TNKS2: variants seen among roughly 807,000 people sequenced by gnomAD.
The protein encoded by TNKS2 is tankyrase 2.
TNKS2 carries 72 observed loss-of-function variants against 137.6 expected under a neutral mutation model. The ratio of observed to expected loss-of-function variants is 0.52; its 90% CI spans 0.43 to 0.64. The LOEUF (loss-of-function observed/expected upper bound fraction) is 0.64, where lower values mean the gene tolerates loss of function less well. TNKS2 is among the 30% of genes least tolerant of loss of function. The pLI, the probability that TNKS2 is intolerant of heterozygous loss-of-function variation, is 0.00. For missense variants in TNKS2, 1,049 were observed against 1,410.2 expected (o/e 0.74, Z 4.10); for synonymous variants, 516 against 512.1 (o/e 1.01, Z -0.10).
chr10:91,815,712 G>A (rs866751761), intron 2 of TNKS2, among the ~76,000 whole-genome samples: 3 of 151,784 alleles, frequency 2.0e-5, no homozygotes, highest in South Asian at 2.1e-4. Flanking sequence ...TTTTCATGTA[G>A]TTACTAGAAA....
At position 91,864,262 on chromosome 10, in the gene TNKS2, C is replaced by T. The variant is rs1356985254; in HGVS notation, c.*1263C>T. On this transcript the variant is annotated 3_prime_UTR_variant, in exon 27 of 27. Transcript: ENST00000371627. ...GTTTGTGCACCATATGGTGACCACGCCTGTGCTCAGTTTGGCAGCTATAGA... is the reference window on the plus strand; with the variant it reads ...GTTTGTGCACCATATGGTGACCACGTCTGTGCTCAGTTTGGCAGCTATAGA... The T allele has an allele frequency of 1.3e-5, 2 of 152,692 alleles. No homozygotes were observed. Among genetic ancestry groups the T allele is most frequent in the Middle Eastern group, 3.4e-3 (1 of 294 alleles). The allele number at this position is 152,692 out of a possible 1,614,324, so 9.5% of individuals were successfully genotyped here.
chr10:91,830,357 A>C (rs1845207489), intron 9 of TNKS2, among the ~76,000 whole-genome samples: 1 of 152,130 alleles, frequency 6.6e-6, no homozygotes, highest in Admixed American at 6.5e-5. Flanking sequence ...AGCTGGGATT[A>C]CAGGCACGTG....
chr10:91,862,567 T>C (rs935123105), intron 26 of TNKS2, among the ~76,000 whole-genome samples: 2 of 152,186 alleles, frequency 1.3e-5, no homozygotes, highest in African/African-American at 4.8e-5. Context: ...AATTGAAATC[T>C]TGTATTTAAC....
intron 1 of TNKS2, among the ~76,000 whole-genome samples, chr10:91,800,951 A>T (rs989788445): frequency 7.9e-5 from 12 of 152,208 alleles, no homozygotes; most frequent in African/African-American, 2.4e-4. Flanking sequence ...TGGAAGTTCA[A>T]CACAGGTGGT....
In TNKS2 at chr10:91,801,735, G is replaced by C. The variant is rs974346144; in HGVS notation, c.199+2846G>C. Among the ~76,000 whole-genome samples the C allele has an allele frequency of 5.3e-5, 8 of 152,276 alleles. No homozygotes were observed. The East Asian group carries it at 1.5e-3, about 29-fold the overall frequency. Reference sequence around the variant, plus strand: ...GATCCGCCTGCCTCGGCCTCCCAAAGTGCTGGGATTACAGGCGTGAGCCAC... The same window carrying C: ...GATCCGCCTGCCTCGGCCTCCCAAACTGCTGGGATTACAGGCGTGAGCCAC... On this transcript the variant is annotated intron_variant, in intron 1 of 26. Coordinates refer to ENST00000371627, the MANE Select transcript of TNKS2 (RefSeq NM_025235.4).
intron 1 of TNKS2, among the ~76,000 whole-genome samples, chr10:91,805,969 G>C (rs1223213449): frequency 6.6e-6 from 1 of 151,886 alleles, no homozygotes; most frequent in Admixed American, 6.6e-5. Flanking sequence ...GCTGAAGTCA[G>C]GGCTAATGAC....
chr10:91,798,885 C>T lies in TNKS2; in HGVS notation c.195C>T (p.Ala65=), dbSNP rs1271027045. The T allele has an allele frequency of 1.5e-6, 2 of 1,374,722 alleles. No individual in the cohort carries two copies. Among genetic ancestry groups the T allele is most frequent in the Non-Finnish European group, 1.9e-6 (2 of 1,055,496 alleles). The allele number at this position is 1,374,722 out of a possible 1,614,324, so 85.2% of individuals were successfully genotyped here. Residue 65 remains alanine, a synonymous_variant, in exon 1 of 27, where the codon GCC becomes GCT. Transcript: ENST00000371627. The stretch of plus-strand genomic sequence containing the variant: ...GGAAATCCACCCCGCTGCACTTCGC[C>T]GCAGGTAACCGGGGCCAGCGTCCCC... ...AGRKSTPLHF[A]AGFGRKDVVE... is the part of the protein sequence containing the mutation.
chr10:91,854,463 T>C (rs1165447540), intron 21 of TNKS2, among the ~76,000 whole-genome samples: 1 of 152,208 alleles, frequency 6.6e-6, no homozygotes, highest in East Asian at 1.9e-4. Context: ...AAATGACATC[T>C]ATAATTTAGT....
rs1844820138 is a variant in TNKS2, at chr10:91,819,569, T to C, written c.633+12T>C. On this transcript the variant is annotated intron_variant, in intron 5 of 26. Coordinates refer to ENST00000371627, the MANE Select transcript of TNKS2 (RefSeq NM_025235.4). Reference sequence around the variant, plus strand: ...GTGATGGCAGAAAGGTACTTCCTTTTGCAACTGAGTTTGTGCTTATCTCCT... The same window carrying C: ...GTGATGGCAGAAAGGTACTTCCTTTCGCAACTGAGTTTGTGCTTATCTCCT... 6.4e-7 allele frequency: 1 copy of C among 1,571,786 alleles called. No individual in the cohort carries two copies. Among genetic ancestry groups the C allele is most frequent in the Non-Finnish European group, 8.6e-7 (1 of 1,164,102 alleles).
At chr10:91,826,944 TAAA>T in intron 7 of TNKS2, 70 bp from the exon 8 acceptor site, 1 of 1,318,796 alleles carries the variant, frequency 7.6e-7, no homozygotes. Flanking sequence ...TGTATGATGT[TAAA>T]TTACACAGTA....
At chr10:91,833,161 CATT>C (rs1841876344) in intron 11 of TNKS2, among the ~76,000 whole-genome samples, 1 of 152,166 alleles carries the variant, frequency 6.6e-6, no homozygotes, top group African/African-American at 2.4e-5. Flanking sequence ...AGATATAGAA[CATT>C]ATCTCATGGC....
chr10:91,828,729 T>C (rs1403763278), intron 9 of TNKS2, among the ~76,000 whole-genome samples: 1 of 152,172 alleles, frequency 6.6e-6, no homozygotes, highest in Non-Finnish European at 1.5e-5. Flanking sequence ...ATGCTTAGGT[T>C]AGAAAATTTG....
chr10:91,843,935 A>G (rs11186708), intron 16 of TNKS2, among the ~76,000 whole-genome samples: 5,926 of 152,282 alleles, frequency 0.039, 222 homozygotes, highest in East Asian at 0.21. Context: ...CAATTACTCT[A>G]TGTGTCTTTC....
At chr10:91,832,842 G>A (rs1338973189) in intron 11 of TNKS2, among the ~76,000 whole-genome samples, 1 of 152,016 alleles carries the variant, frequency 6.6e-6, no homozygotes, top group Non-Finnish European at 1.5e-5. Context: ...ATATAACCAA[G>A]TAGAAAGAAT....
intron 1 of TNKS2, among the ~76,000 whole-genome samples, chr10:91,810,973 G>A (rs1204681890): frequency 8.6e-6 from 1 of 115,828 alleles, no homozygotes; most frequent in Admixed American, 1.2e-4. Flanking sequence ...TCACCCCCAG[G>A]CTGGAGTGCA....
intron 11 of TNKS2, 95 bp from the exon 12 acceptor site, chr10:91,833,758 T>G: frequency 2.0e-6 from 2 of 1,021,220 alleles, no homozygotes; most frequent in Non-Finnish European, 2.7e-6. Context: ...ATAAAAGAAT[T>G]GAGACTTAAA....
intron 1 of TNKS2, among the ~76,000 whole-genome samples, chr10:91,807,825 T>A (rs993844402): frequency 1.4e-4 from 21 of 151,776 alleles, no homozygotes; most frequent in Non-Finnish European, 2.8e-4. Flanking sequence ...AAACCCCCCC[T>A]TTACTAAAAA....
Position 91,831,191 on chromosome 10 carries a change from C to CT in TNKS2, c.1275+15dup, listed in dbSNP as rs770056079. ...GAAACATGAAGCAAAGGTATACTTC[C>CT]TTTTTGGTAATCTTTGGTAATCCAA... On this transcript the variant is annotated intron_variant, in intron 11 of 26. Coordinates refer to ENST00000371627, the MANE Select transcript of TNKS2 (RefSeq NM_025235.4). The CT allele has an allele frequency of 6.0e-5, 97 of 1,611,270 alleles. No homozygotes were observed. The African/African-American group carries it at 1.1e-3, about 19-fold the overall frequency.
chr10:91,798,925 A>T (rs1455716128), intron 1 of TNKS2, 36 bp downstream of exon 1: 10 of 1,335,172 alleles, frequency 7.5e-6, no homozygotes, highest in Non-Finnish European at 9.7e-6. Flanking sequence ...CTCGCTCCAG[A>T]CCCCACCTGC....
Sources: allele counts gnomAD v4.1 joint callset (sites outside exome capture counted in the v4.1 genomes callset), GRCh38; gene constraint gnomAD v4.1.1; transcripts MANE v1.5; gene names NCBI Gene and HGNC (gene_info 2026-07-23, HGNC 2026-07-21).